TTC17: variants seen among roughly 807,000 people sequenced by gnomAD.
The protein encoded by TTC17 is tetratricopeptide repeat protein 17.
Under a neutral mutation model 143.8 loss-of-function variants are expected in TTC17, and 58 were observed. The observed-to-expected ratio is 0.40, with a 90% confidence interval of 0.33 to 0.50. TTC17 has a LOEUF of 0.50. TTC17 is among the 20% of genes least tolerant of loss of function. The pLI, the probability that TTC17 is intolerant of heterozygous loss-of-function variation, is 0.49. For synonymous variants in TTC17, 501 were observed against 497.8 expected (o/e 1.01, Z -0.09); for missense variants, 1,273 against 1,392.5 (o/e 0.91, Z 1.37).
intron 16 of TTC17, among the ~76,000 whole-genome samples, chr11:43,419,527 G>T (rs1420345335): frequency 9.2e-5 from 14 of 152,148 alleles, no homozygotes; most frequent in South Asian, 8.3e-4. Flanking sequence ...TGAAGAAAAA[G>T]AAATCCTGCA....
At chr11:43,429,791 G>T (rs886286858) in intron 16 of TTC17, among the ~76,000 whole-genome samples, 1 of 152,182 alleles carries the variant, frequency 6.6e-6, no homozygotes, top group Non-Finnish European at 1.5e-5. Context: ...TCTGTTAAAA[G>T]GATGATGATG....
At chr11:43,443,964 C>A in intron 17 of TTC17, 92 bp from the exon 18 acceptor site, 1 of 1,392,308 alleles carries the variant, frequency 7.2e-7, no homozygotes, top group Non-Finnish European at 9.7e-7. Context: ...AACCTGAGCA[C>A]AGTACTTGGT....
At chr11:43,434,068 A>C (rs1271562123) in intron 16 of TTC17, among the ~76,000 whole-genome samples, 1 of 152,032 alleles carries the variant, frequency 6.6e-6, no homozygotes, top group Admixed American at 6.6e-5. Flanking sequence ...ATAGAAGTGG[A>C]GGCAAATTAA....
At chr11:43,473,153 C>T (rs374673449) in intron 21 of TTC17, among the ~76,000 whole-genome samples, 3 of 150,474 alleles carry the variant, frequency 2.0e-5, no homozygotes, top group East Asian at 2.0e-4. Flanking sequence ...CCAGCCTGAG[C>T]GACAGGGCGA....
At chr11:43,436,185 T>A in intron 16 of TTC17, 3 of 1,427,388 alleles carry the variant, frequency 2.1e-6, no homozygotes, top group Non-Finnish European at 2.7e-6. Flanking sequence ...GAGAAAACCC[T>A]GGACAACAGC....
chr11:43,490,603 T>A (rs1450028207), intron 22 of TTC17: 1 of 325,062 alleles, frequency 3.1e-6, no homozygotes, highest in East Asian at 5.6e-5. Flanking sequence ...TGTAAGACAG[T>A]ACTGCATTTA....
At chr11:43,365,399 G>C (rs56116415) in intron 1 of TTC17, among the ~76,000 whole-genome samples, 13,863 of 152,144 alleles carry the variant, frequency 0.091, 795 homozygotes, top group Middle Eastern at 0.16. Context: ...CTCCCATGTA[G>C]CTGGGACTAC....
chr11:43,419,580 G>T (rs1164735213), intron 16 of TTC17, among the ~76,000 whole-genome samples: 1 of 152,166 alleles, frequency 6.6e-6, no homozygotes. Context: ...TATACTGCCT[G>T]CAATGAAGGA....
rs750524451 is a variant in TTC17 at position 43,414,715 on chromosome 11, G to A, written c.2190G>A (p.Lys730=). 4 of 1,613,782 alleles carry A rather than the reference G, an allele frequency of 2.5e-6. No individual in the cohort carries two copies. The South Asian group carries it at 4.4e-5, about 18-fold the overall frequency. ...TKCPECENSL[K]LIRCMQFYPF... Reference sequence around the variant, plus strand: ...GTCCAGAGTGTGAAAACAGCCTGAAGTTGATCCGCTGTATGCAGTTTTATC... The same window carrying A: ...GTCCAGAGTGTGAAAACAGCCTGAAATTGATCCGCTGTATGCAGTTTTATC... The change falls in exon 16 of 24, where the codon AAG becomes AAA. Residue 730 remains lysine (K), a synonymous_variant. Coordinates refer to ENST00000039989, the MANE Select transcript of TTC17 (RefSeq NM_018259.6).
rs1857999021 is a variant in TTC17, at chr11:43,404,064, G to A, written c.1399G>A (p.Asp467Asn). 1 of 1,612,978 alleles carries A rather than the reference G, an allele frequency of 6.2e-7. No homozygotes were observed. Among genetic ancestry groups the A allele is most frequent in the African/African-American group, 1.3e-5 (1 of 74,822 alleles). ...CTTTGATGTTCAATCAAATCAGAGT[G>A]ATATCAATGATTCGGTCAAGTCTTC... Reference protein sequence around the residue: ...VNFDVQSNQSDINDSVKSSPV... With the variant: ...VNFDVQSNQSNINDSVKSSPV... The change falls in exon 11 of 24, where the codon GAT becomes AAT. Residue 467 changes from aspartate (D) to asparagine (N), a missense_variant. Transcript: ENST00000039989.
intron 1 of TTC17, among the ~76,000 whole-genome samples, chr11:43,376,590 T>C (rs1856771576): frequency 1.3e-5 from 2 of 152,174 alleles, no homozygotes. Flanking sequence ...AATTCCTGTC[T>C]CCTTTTTGCT....
In TTC17 at chr11:43,405,926, A is replaced by G. The variant is rs1398875346; in HGVS notation, c.1736A>G (p.Lys579Arg). ...GAGGTTCGCATGGATCTGAAAGCCA[A>G]AATGCCAGATGACCATGCACGAAAA... ...ELEVRMDLKA[K>R]MPDDHARKIL... Residue 579 changes from lysine (K) to arginine (R), a missense_variant, in exon 13 of 24, where the codon AAA becomes AGA. Physicochemically the swap from Lys to Arg is conservative, Grantham distance 26 (BLOSUM62 2). Transcript: ENST00000039989. 2.5e-6 allele frequency: 4 copies of G among 1,613,142 alleles called. No homozygotes were observed. The highest frequency in any genetic ancestry group is 2.2e-5 in the East Asian group (1 of 44,882).
chr11:43,460,755 G>A (rs948033405), intron 21 of TTC17, among the ~76,000 whole-genome samples: 2 of 152,092 alleles, frequency 1.3e-5, no homozygotes, highest in Non-Finnish European at 2.9e-5. Context: ...CAAATGTCTG[G>A]GGCCTCAACT....
chr11:43,385,604 C>T (rs1348004010), intron 2 of TTC17: 7 of 150,960 alleles, frequency 4.6e-5, no homozygotes, highest in African/African-American at 1.2e-4. Flanking sequence ...ATAAATGGCA[C>T]AGTAACTCAC....
intron 18 of TTC17, 47 bp downstream of exon 18, chr11:43,444,256 T>C: frequency 6.5e-7 from 1 of 1,547,902 alleles, no homozygotes; most frequent in Non-Finnish European, 8.7e-7. Context: ...TAGATGTCAC[T>C]ATCTCATTTC....
At chr11:43,360,955 A>C (rs566953120) in intron 1 of TTC17, among the ~76,000 whole-genome samples, 1 of 152,334 alleles carries the variant, frequency 6.6e-6, no homozygotes, top group South Asian at 2.1e-4. Flanking sequence ...TTTGCTATAC[A>C]TAACATTTAC....
At chr11:43,469,054 AGGT>A (rs1948038577) in intron 21 of TTC17, among the ~76,000 whole-genome samples, 1 of 152,222 alleles carries the variant, frequency 6.6e-6, no homozygotes, top group Non-Finnish European at 1.5e-5. Context: ...AATTTTTTAA[AGGT>A]GAGTTTTGTG....
intron 21 of TTC17, among the ~76,000 whole-genome samples, chr11:43,467,874 C>CA (rs749942466): frequency 0.12 from 15,786 of 128,844 alleles, 1,142 homozygotes; most frequent in Admixed American, 0.27. Flanking sequence ...GGGACACATC[C>CA]AAAAAAAAAA....
intron 15 of TTC17, among the ~76,000 whole-genome samples, chr11:43,410,002 C>T (rs951737456): frequency 8.6e-5 from 13 of 151,658 alleles, no homozygotes; most frequent in Admixed American, 3.3e-4. Flanking sequence ...CCACCATGCC[C>T]GGCTAATTTT....
Sources: allele counts gnomAD v4.1 joint callset (sites outside exome capture counted in the v4.1 genomes callset), GRCh38; gene constraint gnomAD v4.1.1; transcripts MANE v1.5; gene names NCBI Gene and HGNC (gene_info 2026-07-23, HGNC 2026-07-21).